NSUN6: variants seen among roughly 807,000 people sequenced by gnomAD.
The protein encoded by NSUN6 is tRNA (cytosine(72)-C(5))-methyltransferase NSUN6.
A neutral mutation model predicts 58.0 loss-of-function variants in NSUN6; 64 were observed. The observed-to-expected ratio is 1.10, with a 90% CI of 0.90 to 1.36. The LOEUF (loss-of-function observed/expected upper bound fraction) is 1.36. NSUN6 is among the 40% of genes most tolerant of loss of function. The pLI is 0.00. For missense variants in NSUN6, 701 were observed against 550.1 expected, an observed-to-expected ratio of 1.27 and a Z score of -2.74; for synonymous variants, 231 against 193.9, an observed-to-expected ratio of 1.19 and a Z score of -1.59.
At chr10:18,552,776 G>T (rs1191055418) in intron 8 of NSUN6, among the ~76,000 whole-genome samples, 1 of 137,960 alleles carries the variant, frequency 7.2e-6, no homozygotes, top group Non-Finnish European at 1.6e-5. Context: ...CATTCCATTT[G>T]ATTCTCCATT....
chr10:18,624,827 C>A (rs983034461), intron 3 of NSUN6, among the ~76,000 whole-genome samples: 2 of 152,056 alleles, frequency 1.3e-5, no homozygotes, highest in African/African-American at 4.8e-5. Context: ...GAGTTCCCAG[C>A]AGTGACATAA....
intron 3 of NSUN6, among the ~76,000 whole-genome samples, chr10:18,635,390 G>C (rs2059178953): frequency 1.3e-5 from 2 of 152,146 alleles, no homozygotes; most frequent in Admixed American, 1.3e-4. Context: ...GCTGTCTTGG[G>C]AATCTCTGAT....
chr10:18,596,285 G>T lies in NSUN6; in HGVS notation c.700C>A (p.Pro234Thr). ...ALVSHVLNPQ[P>T]GEKILDLCAA... Reference sequence around the variant, plus strand: ...CACAAGTCTAGAATCTTCTCTCCAGGTTGAGGATTTAGTACATGACTTACT... The same window carrying T: ...CACAAGTCTAGAATCTTCTCTCCAGTTTGAGGATTTAGTACATGACTTACT... Residue 234 changes from proline to threonine, a missense_variant, in exon 7 of 11, where the codon CCT (proline) becomes ACT (threonine). Transcript: ENST00000377304. 7 of 1,598,838 alleles carry T rather than the reference G, an allele frequency of 4.4e-6. No homozygotes were observed. The highest frequency in any genetic ancestry group is 1.3e-5 in the African/African-American group (1 of 74,724).
chr10:18,643,337 T>C (rs1164389630), intron 2 of NSUN6, among the ~76,000 whole-genome samples: 1 of 151,690 alleles, frequency 6.6e-6, no homozygotes, highest in Non-Finnish European at 1.5e-5. Context: ...TATACTCTAT[T>C]AGAGGGCAGC....
intron 8 of NSUN6, among the ~76,000 whole-genome samples, chr10:18,563,230 G>GT (rs1159741021): frequency 7.8e-6 from 1 of 127,514 alleles, no homozygotes; most frequent in Non-Finnish European, 1.7e-5. Flanking sequence ...ATGGAGAATG[G>GT]TATGGAATGG....
At chr10:18,644,733 G>A (rs1238382812) in intron 2 of NSUN6, among the ~76,000 whole-genome samples, 8 of 151,654 alleles carry the variant, frequency 5.3e-5, no homozygotes, top group African/African-American at 1.2e-4. Flanking sequence ...CCAGCTACTC[G>A]GGAGGCTGAG....
At chr10:18,636,013 G>C (rs373948695) in intron 3 of NSUN6, among the ~76,000 whole-genome samples, 73 of 151,480 alleles carry the variant, frequency 4.8e-4, no homozygotes, top group African/African-American at 1.5e-3. Context: ...GTGGGCCTTA[G>C]ATTTCTTCAC....
In NSUN6 at chr10:18,629,596, T is replaced by C. The variant is rs1054687953; in HGVS notation, c.311+12880A>G. On this transcript the variant is annotated intron_variant, in intron 3 of 10. Transcript: ENST00000377304. ...TAATGGAAAACAAAAAAGGCAGGGGTTACAATCCTAGTCTCTGATAAAACA... is the reference window on the plus strand; with the variant it reads ...TAATGGAAAACAAAAAAGGCAGGGGCTACAATCCTAGTCTCTGATAAAACA... Among the ~76,000 whole-genome samples the C allele has an allele frequency of 5.7e-4, 84 of 148,528 alleles. 2 individuals are homozygous for C. Among genetic ancestry groups the C allele is most frequent in the Non-Finnish European group, 1.0e-3 (68 of 67,096 alleles).
chr10:18,582,423 T>C (rs895754181), intron 8 of NSUN6, among the ~76,000 whole-genome samples: 3 of 152,086 alleles, frequency 2.0e-5, no homozygotes, highest in African/African-American at 4.8e-5. Context: ...ACGGAGATTG[T>C]GGTGGTGAGC....
chr10:18,655,132 G>T (rs549169169), upstream of NSUN6: 52 of 982,428 alleles, frequency 5.3e-5, no homozygotes, highest in African/African-American at 8.9e-4. Flanking sequence ...ACTGTTGCCA[G>T]ACTTAAATCC....
chr10:18,656,495 C>A (rs1303862064), upstream of NSUN6, among the ~76,000 whole-genome samples: 1 of 152,136 alleles, frequency 6.6e-6, no homozygotes. Context: ...TGAGATCACA[C>A]AACTGCACTC....
At chr10:18,582,549 C>G (rs2056952492) in intron 8 of NSUN6, among the ~76,000 whole-genome samples, 1 of 152,146 alleles carries the variant, frequency 6.6e-6, no homozygotes, top group South Asian at 2.1e-4. Flanking sequence ...CTGGGAAAAA[C>G]CTCAAAGACT....
intron 6 of NSUN6, among the ~76,000 whole-genome samples, chr10:18,597,475 A>AG (rs2057636652): frequency 6.6e-6 from 1 of 152,180 alleles, no homozygotes; most frequent in African/African-American, 2.4e-5. Context: ...TACACCCTCA[A>AG]GAACTGTGAG....
chr10:18,642,212 A>C (rs550990113), intron 3 of NSUN6, among the ~76,000 whole-genome samples: 4 of 150,510 alleles, frequency 2.7e-5, no homozygotes, highest in African/African-American at 7.3e-5. Flanking sequence ...AACTTCACAG[A>C]AAGTGGGGGG....
intron 3 of NSUN6, among the ~76,000 whole-genome samples, chr10:18,631,770 G>C (rs2059038816): frequency 6.6e-6 from 1 of 151,268 alleles, no homozygotes; most frequent in Admixed American, 6.6e-5. Flanking sequence ...CAAACAAATG[G>C]AAGAACATTC....
intron 6 of NSUN6, among the ~76,000 whole-genome samples, chr10:18,607,701 G>T (rs1292099755): frequency 6.6e-6 from 1 of 152,244 alleles, no homozygotes; most frequent in African/African-American, 2.4e-5. Flanking sequence ...CTCAGATGCA[G>T]ATCTTCCAAG....
intron 8 of NSUN6, among the ~76,000 whole-genome samples, chr10:18,554,518 C>T (rs1322166175): frequency 1.4e-5 from 2 of 141,784 alleles, no homozygotes; most frequent in South Asian, 2.2e-4. Context: ...TCAATCGGAA[C>T]GTGGAATGCA....
chr10:18,571,872 T>C (rs1026627668), intron 8 of NSUN6, among the ~76,000 whole-genome samples: 1 of 151,320 alleles, frequency 6.6e-6, no homozygotes, highest in Non-Finnish European at 1.5e-5. Flanking sequence ...TTCCATTCCA[T>C]TCTATTCTCC....
At chr10:18,595,166 G>A (rs1169302291) in intron 7 of NSUN6, among the ~76,000 whole-genome samples, 2 of 152,132 alleles carry the variant, frequency 1.3e-5, no homozygotes, top group Non-Finnish European at 2.9e-5. Flanking sequence ...TCACCTGCAG[G>A]TGACCAGTAC....
Sources: allele counts gnomAD v4.1 joint callset (sites outside exome capture counted in the v4.1 genomes callset), GRCh38; gene constraint gnomAD v4.1.1; transcripts MANE v1.5; gene names NCBI Gene and HGNC (gene_info 2026-07-23, HGNC 2026-07-21).